COBL: variants seen among roughly 807,000 people sequenced by gnomAD.
COBL encodes the protein protein cordon-bleu.
COBL carries 51 observed loss-of-function variants against 98.8 expected under a neutral mutation model. The ratio of observed to expected loss-of-function variants is 0.52; its 90% confidence interval spans 0.41 to 0.65. The LOEUF is 0.65. Among genes scored for constraint, COBL ranks in the 30% least tolerant of loss-of-function variants. The probability of loss-of-function intolerance (pLI) is 0.00; values close to 1 mark genes in which losing one functional copy is unlikely to be tolerated. For missense variants in COBL, 1,617 were observed against 1,617.5 expected (o/e 1.00, Z 0.01); for synonymous variants, 634 against 651.7 (o/e 0.97, Z 0.41).
intron 7 of COBL, among the ~76,000 whole-genome samples, chr7:51,048,504 C>T (rs748203662): frequency 5.3e-5 from 8 of 152,096 alleles, no homozygotes; most frequent in Non-Finnish European, 8.8e-5. Context: ...GGCCCCTCCA[C>T]GTAAAAATTA....
Position 51,029,508 on chromosome 7 carries a change from T to C in COBL, c.1588A>G (p.Met530Val), listed in dbSNP as rs1349876876. The change falls in exon 10 of 13, where the codon ATG becomes GTG. Residue 530 changes from methionine to valine, a missense_variant. Coordinates refer to ENST00000265136, the MANE Select transcript of COBL (RefSeq NM_015198.5). ...GCATCTGTGTCGCCGTGAGGGATCA[T>C]GGCATCCTGTGGGCAGTGGTTGGAT... ...GASNHCPQDA[M>V]IPHGDTDAIP... 1 of 1,614,104 alleles carries C rather than the reference T, an allele frequency of 6.2e-7. No individual in the cohort carries two copies. Among genetic ancestry groups the C allele is most frequent in the African/African-American group, 1.3e-5 (1 of 75,060 alleles).
intron 6 of COBL, among the ~76,000 whole-genome samples, chr7:51,091,447 A>C (rs1003164130): frequency 6.6e-6 from 1 of 152,208 alleles, no homozygotes; most frequent in Non-Finnish European, 1.5e-5. Flanking sequence ...TAATCAGTGA[A>C]CTAAAAGACA....
At chr7:51,213,937 T>C (rs535738277) in intron 2 of COBL, among the ~76,000 whole-genome samples, 1 of 152,104 alleles carries the variant, frequency 6.6e-6, no homozygotes, top group African/African-American at 2.4e-5. Context: ...AGGGAATGCC[T>C]TCTATAAAGG....
intron 2 of COBL, among the ~76,000 whole-genome samples, chr7:51,218,444 C>T (rs149273294): frequency 1.3e-4 from 20 of 152,294 alleles, no homozygotes; most frequent in Admixed American, 3.3e-4. Context: ...ATTACTCAAG[C>T]AAACTGCTTC....
intron 3 of COBL, 122 bp downstream of exon 3, chr7:51,193,257 G>T (rs1790284993): frequency 2.4e-6 from 2 of 816,854 alleles, no homozygotes; most frequent in South Asian, 1.8e-5. Flanking sequence ...TGCCTGGCAT[G>T]AAAGTAGCAG....
At chr7:51,159,104 G>A (rs1172516050) in intron 5 of COBL, among the ~76,000 whole-genome samples, 3 of 152,156 alleles carry the variant, frequency 2.0e-5, no homozygotes, top group Non-Finnish European at 2.9e-5. Flanking sequence ...CAGCGGGGGC[G>A]GCGTTGCAGG....
chr7:51,259,991 A>T, intron 1 of COBL: 2 of 756,226 alleles, frequency 2.6e-6, no homozygotes, highest in South Asian at 2.8e-5. Context: ...TTCTGCCACC[A>T]GGAATCATAT....
chr7:51,158,947 G>A (rs1458107816), intron 5 of COBL, among the ~76,000 whole-genome samples: 1 of 152,046 alleles, frequency 6.6e-6, no homozygotes, highest in Non-Finnish European at 1.5e-5. Context: ...GGGGCTGTGT[G>A]GGCAGGGAGG....
intron 1 of COBL, among the ~76,000 whole-genome samples, chr7:51,307,715 T>C (rs1802620253): frequency 6.6e-6 from 1 of 152,250 alleles, no homozygotes. Context: ...GACTGTGAAA[T>C]TCACAAATTA....
chr7:51,272,930 C>T (rs1401336788), intron 1 of COBL, among the ~76,000 whole-genome samples: 1 of 151,612 alleles, frequency 6.6e-6, no homozygotes, highest in Non-Finnish European at 1.5e-5. Context: ...TCTGCGTTTT[C>T]ATCTATGGAA....
At chr7:51,139,246 A>G (rs1328057425) in intron 5 of COBL, among the ~76,000 whole-genome samples, 1 of 152,194 alleles carries the variant, frequency 6.6e-6, no homozygotes, top group Non-Finnish European at 1.5e-5. Flanking sequence ...AATTTAGATA[A>G]AGCACATTAG....
intron 1 of COBL, among the ~76,000 whole-genome samples, chr7:51,285,952 AT>A (rs1009840974): frequency 6.6e-6 from 1 of 152,168 alleles, no homozygotes; most frequent in Non-Finnish European, 1.5e-5. Context: ...TATTCAAGTG[AT>A]TTTTTATGAA....
At chr7:51,056,311 A>G (rs527949231) in intron 7 of COBL, among the ~76,000 whole-genome samples, 1 of 152,016 alleles carries the variant, frequency 6.6e-6, no homozygotes, top group African/African-American at 2.4e-5. Context: ...TGGGACCCCG[A>G]GATGCTGGAG....
rs375219164 is a variant in COBL at position 51,222,451 on chromosome 7, A to G, written c.42-2507T>C. On this transcript the variant is annotated intron_variant, in intron 1 of 12. Coordinates refer to ENST00000265136, the MANE Select transcript of COBL (RefSeq NM_015198.5). Reference sequence around the variant, plus strand: ...GAGGTATTACTGATATTCCTATTTTATAGCTGAAAGTGTGAGCACACCTTC... The same window carrying G: ...GAGGTATTACTGATATTCCTATTTTGTAGCTGAAAGTGTGAGCACACCTTC... Among the ~76,000 whole-genome samples, 197 of 152,334 alleles carry G rather than the reference A, an allele frequency of 1.3e-3. 1 individual carries two copies. The highest frequency in any genetic ancestry group is 4.6e-3 in the African/African-American group (192 of 41,576).
At position 51,276,468 on chromosome 7, in the gene COBL, A is replaced by G. The variant is rs140266682; in HGVS notation, c.41+40125T>C. 8.9e-3 allele frequency among the ~76,000 whole-genome samples: 1,363 copies of G among 152,338 alleles called. 23 individuals carry two copies. The highest frequency in any genetic ancestry group is 0.031 in the African/African-American group (1,299 of 41,578). ...CTGCACACAGGTGGCCTTGCCTGCC[A>G]CAAGCCCTATCCACTGTGGGCTTTC... On this transcript the variant is annotated intron_variant, in intron 1 of 12. Coordinates refer to ENST00000265136, the MANE Select transcript of COBL (RefSeq NM_015198.5).
At chr7:51,080,469 G>C (rs917862372) in intron 7 of COBL, among the ~76,000 whole-genome samples, 1 of 152,164 alleles carries the variant, frequency 6.6e-6, no homozygotes, top group Non-Finnish European at 1.5e-5. Flanking sequence ...AGCAAAGATT[G>C]AGAGTCCGAG....
At chr7:51,130,065 G>A (rs1798591952) in intron 6 of COBL, among the ~76,000 whole-genome samples, 2 of 152,174 alleles carry the variant, frequency 1.3e-5, no homozygotes, top group South Asian at 4.2e-4. Context: ...AAGGAAAACA[G>A]GCAGGATTCC....
chr7:51,046,097 G>A (rs1263562484), intron 7 of COBL, among the ~76,000 whole-genome samples: 4 of 152,136 alleles, frequency 2.6e-5, no homozygotes, highest in Admixed American at 1.3e-4. Context: ...GTTTATCTGC[G>A]TCTAGGGAGA....
At chr7:51,025,009 C>T (rs1030236034) in intron 12 of COBL, 100 bp downstream of exon 12, 27 of 1,519,924 alleles carry the variant, frequency 1.8e-5, no homozygotes, top group Middle Eastern at 2.4e-4. Flanking sequence ...CCCATGTGAC[C>T]GCCTCGCAGC....
Sources: allele counts gnomAD v4.1 joint callset (sites outside exome capture counted in the v4.1 genomes callset), GRCh38; gene constraint gnomAD v4.1.1; transcripts MANE v1.5; gene names NCBI Gene and HGNC (gene_info 2026-07-23, HGNC 2026-07-21).